Variants in AP1G1 observed in about 807,000 individuals in gnomAD.
AP1G1 encodes AP-1 complex subunit gamma-1.
In AP1G1, 7 loss-of-function variants were observed where a neutral mutation model predicts 108.3. That is an observed-to-expected ratio of 0.06 (90% CI 0.04 to 0.12). The LOEUF (loss-of-function observed/expected upper bound fraction) is 0.12. AP1G1 is among the 10% of genes least tolerant of loss of function. The probability of loss-of-function intolerance (pLI) is 1.00; values close to 1 mark genes in which losing one functional copy is unlikely to be tolerated. For synonymous variants in AP1G1, 379 were observed against 353.5 expected, an observed-to-expected ratio of 1.07 and a Z score of -0.81; for missense variants, 756 against 1,010.7, an observed-to-expected ratio of 0.75 and a Z score of 3.42.
intron 21 of AP1G1, among the ~76,000 whole-genome samples, chr16:71,736,541 C>A (rs529409145): frequency 1.2e-3 from 175 of 144,344 alleles, no homozygotes; most frequent in African/African-American, 4.1e-3. Context: ...CCACCACGCC[C>A]GGCTAATTTA....
rs371233076 is a variant in AP1G1 at position 71,769,724 on chromosome 16, C to A, written c.566-25G>T. 1.9e-6 allele frequency: 3 copies of A among 1,590,218 alleles called. No individual in the cohort carries two copies. The African/African-American group carries it at 4.0e-5, about 21-fold the overall frequency. ...CCTGAAAGAAAAGATCAAAGGAAAA[C>A]TAAAAATGAGGCCTATTATTCAATT... On this transcript the variant is annotated intron_variant, in intron 5 of 22. Coordinates refer to ENST00000299980, the MANE Select transcript of AP1G1 (RefSeq NM_001128.6).
chr16:71,800,525 G>T (rs917436234), intron 1 of AP1G1, among the ~76,000 whole-genome samples: 9 of 151,518 alleles, frequency 5.9e-5, no homozygotes, highest in African/African-American at 2.2e-4. Flanking sequence ...TCTCGGGTCG[G>T]GTGCGGGGGC....
chr16:71,770,761 C>T (rs540909717), intron 5 of AP1G1, among the ~76,000 whole-genome samples: 90 of 152,304 alleles, frequency 5.9e-4, no homozygotes, highest in South Asian at 2.3e-3. Flanking sequence ...TGAGCTACCA[C>T]GCCCAGCCGC....
intron 2 of AP1G1, among the ~76,000 whole-genome samples, chr16:71,774,850 A>G (rs2031715871): frequency 6.6e-6 from 1 of 151,400 alleles, no homozygotes; most frequent in African/African-American, 2.4e-5. Flanking sequence ...CCTCCCGAGT[A>G]GCTGGGATTA....
At chr16:71,772,004 C>T (rs1005132827) in intron 4 of AP1G1, among the ~76,000 whole-genome samples, 2 of 152,048 alleles carry the variant, frequency 1.3e-5, no homozygotes, top group African/African-American at 2.4e-5. Flanking sequence ...TTTGTATATC[C>T]CCCAAAGTAA....
intron 21 of AP1G1, 71 bp downstream of exon 21, chr16:71,738,871 C>T: frequency 7.3e-7 from 1 of 1,374,548 alleles, no homozygotes; most frequent in Non-Finnish European, 1.0e-6. Flanking sequence ...ATATCCTTTA[C>T]CAAACACATG....
chr16:71,785,839 A>G (rs1350109494), intron 2 of AP1G1, among the ~76,000 whole-genome samples: 2 of 151,984 alleles, frequency 1.3e-5, no homozygotes, highest in African/African-American at 4.8e-5. Flanking sequence ...CTGAGATCAC[A>G]CCATTGCACT....
At chr16:71,743,816 G>A (rs138036455) in intron 19 of AP1G1, among the ~76,000 whole-genome samples, 4 of 147,950 alleles carry the variant, frequency 2.7e-5, no homozygotes, top group African/African-American at 1.0e-4. Context: ...CGCAGTAGCA[G>A]GCGCCTGTAA....
At chr16:71,742,596 T>C (rs2029922380) in intron 19 of AP1G1, 1 of 152,198 alleles carries the variant, frequency 6.6e-6, no homozygotes, top group Admixed American at 6.5e-5. Flanking sequence ...AGTCACTTAG[T>C]CTAACAAATT....
At chr16:71,739,632 G>A (rs1335674680) in intron 19 of AP1G1, among the ~76,000 whole-genome samples, 2 of 151,638 alleles carry the variant, frequency 1.3e-5, no homozygotes, top group Non-Finnish European at 2.9e-5. Flanking sequence ...TGCGCCTGTA[G>A]TCCCAGCTAC....
chr16:71,756,798 C>A (rs938050244), intron 11 of AP1G1, among the ~76,000 whole-genome samples: 1 of 151,662 alleles, frequency 6.6e-6, no homozygotes, highest in African/African-American at 2.4e-5. Context: ...AAAAATTAGC[C>A]GGGCATGGTG....
intron 10 of AP1G1, among the ~76,000 whole-genome samples, chr16:71,761,081 A>C (rs1331997255): frequency 2.0e-5 from 3 of 152,232 alleles, no homozygotes; most frequent in African/African-American, 7.2e-5. Context: ...TGTAAAACCC[A>C]GCTCTCTGCT....
chr16:71,777,324 G>A (rs1347869402), intron 2 of AP1G1, among the ~76,000 whole-genome samples: 1 of 151,638 alleles, frequency 6.6e-6, no homozygotes. Context: ...GGGGGGAGCG[G>A]GAGGGAGGCA....
chr16:71,734,392 T>C (rs2145406675), intron 22 of AP1G1, among the ~76,000 whole-genome samples: 1 of 152,314 alleles, frequency 6.6e-6, no homozygotes, highest in African/African-American at 2.4e-5. Flanking sequence ...AATCTAGCTT[T>C]TTTTGAAGTT....
At chr16:71,769,774 T>C in intron 5 of AP1G1, 75 bp from the exon 6 acceptor site, 1 of 1,232,078 alleles carries the variant, frequency 8.1e-7, no homozygotes, top group Non-Finnish European at 1.2e-6. Flanking sequence ...TTTGAGTTCC[T>C]GAAGGTCAAT....
At chr16:71,763,064 A>C (rs1258431055) in intron 9 of AP1G1, among the ~76,000 whole-genome samples, 2 of 152,178 alleles carry the variant, frequency 1.3e-5, no homozygotes, top group Non-Finnish European at 2.9e-5. Flanking sequence ...TAGCCCCAAC[A>C]CATATGGCGT....
At chr16:71,759,628 C>T (rs1260548103) in intron 10 of AP1G1, among the ~76,000 whole-genome samples, 1 of 150,252 alleles carries the variant, frequency 6.7e-6, no homozygotes, top group Non-Finnish European at 1.5e-5. Flanking sequence ...GGCGTGGTGG[C>T]AGGCACCTGT....
chr16:71,777,730 C>T, intron 2 of AP1G1: 1 of 446,386 alleles, frequency 2.2e-6, no homozygotes, highest in South Asian at 1.6e-5. Flanking sequence ...CCTCCTCCTC[C>T]ACCACTTCTT....
Position 71,774,507 on chromosome 16 carries a change from C to G in AP1G1, c.287G>C (p.Arg96Thr). Residue 96 changes from arginine (R) to threonine (T), a missense_variant, in exon 3 of 23, where the codon AGA becomes ACA. This residue lies in a region of AP1G1 where 304 missense variants were observed against 483.6 expected (regional missense o/e 0.63). Coordinates refer to ENST00000299980, the MANE Select transcript of AP1G1 (RefSeq NM_001128.6). The stretch of plus-strand genomic sequence containing the variant: ...GGTCATGAGAAGATGGACATCTTGT[C>G]TTTCATCTAACAGCAGCATTGCCCC... ...YLGAMLLLDE[R>T]QDVHLLMTNC... 1 of 1,604,590 alleles carries G rather than the reference C, an allele frequency of 6.2e-7. No individual in the cohort carries two copies. Among genetic ancestry groups the G allele is most frequent in the Non-Finnish European group, 8.5e-7 (1 of 1,177,778 alleles).
Sources: allele counts gnomAD v4.1 joint callset (sites outside exome capture counted in the v4.1 genomes callset), GRCh38; gene constraint gnomAD v4.1.1; regional missense constraint gnomAD v4.1.1; transcripts MANE v1.5; gene names NCBI Gene and HGNC (gene_info 2026-07-23, HGNC 2026-07-21).